The following CADM2 variants were observed in gnomAD, a reference collection of about 807,000 sequenced individuals.
CADM2 encodes the protein cell adhesion molecule 2.
In CADM2, 12 loss-of-function variants were observed where a neutral mutation model predicts 49.8. That is an observed-to-expected ratio of 0.24 (90% CI 0.15 to 0.39). The LOEUF (loss-of-function observed/expected upper bound fraction) is 0.39, where lower values mean the gene tolerates loss of function less well. Among genes scored for constraint, CADM2 ranks in the 10% least tolerant of loss-of-function variants. CADM2 has a pLI of 1.00. For synonymous variants in CADM2, 214 were observed against 175.4 expected, an observed-to-expected ratio of 1.22 and a Z score of -1.74; for missense variants, 378 against 492.3, an observed-to-expected ratio of 0.77 and a Z score of 2.20.
chr3:85,708,811 A>G (rs1490696354), intron 1 of CADM2, among the ~76,000 whole-genome samples: 4 of 152,142 alleles, frequency 2.6e-5, no homozygotes, highest in Non-Finnish European at 5.9e-5. Flanking sequence ...TTGTGGGGTA[A>G]GAGTGACCTG....
rs545328632 is a variant in CADM2, at chr3:85,715,235, A to G, written c.62-11287A>G. On this transcript the variant is annotated intron_variant, in intron 1 of 9. Transcript: ENST00000383699. ...ACCATCCCACTGTTAATTCTACATG[A>G]CAGTCATGACAATGAGACCTTTGTT... is the stretch of plus-strand genomic sequence containing the variant. 5.9e-5 allele frequency among the ~76,000 whole-genome samples: 9 copies of G among 152,300 alleles called. No individual in the cohort carries two copies. The East Asian group carries it at 1.5e-3, about 26-fold the overall frequency.
chr3:85,101,393 T>A (rs2038005686), intron 1 of CADM2, among the ~76,000 whole-genome samples: 1 of 152,226 alleles, frequency 6.6e-6, no homozygotes, highest in African/African-American at 2.4e-5. Flanking sequence ...ATTGCCTTGT[T>A]ACGATATATT....
chr3:85,420,503 A>G (rs1247042704), intron 1 of CADM2, among the ~76,000 whole-genome samples: 3 of 152,034 alleles, frequency 2.0e-5, no homozygotes, highest in East Asian at 1.9e-4. Flanking sequence ...CCCATGGGGG[A>G]AAAAAATTAT....
At chr3:85,290,730 G>A (rs1385139238) in intron 1 of CADM2, among the ~76,000 whole-genome samples, 1 of 152,190 alleles carries the variant, frequency 6.6e-6, no homozygotes. Context: ...TGAGGGTCCT[G>A]TCTGTTAGAA....
chr3:85,894,662 G>C (rs543849662), intron 5 of CADM2, among the ~76,000 whole-genome samples: 2 of 152,276 alleles, frequency 1.3e-5, no homozygotes, highest in African/African-American at 4.8e-5. Context: ...TCCTAGAAGG[G>C]AAATAGGGTT....
chr3:84,990,217 A>G (rs1180682124), intron 1 of CADM2, among the ~76,000 whole-genome samples: 1 of 151,590 alleles, frequency 6.6e-6, no homozygotes, highest in African/African-American at 2.4e-5. Flanking sequence ...TATTTACAAT[A>G]TATTATAGGT....
intron 1 of CADM2, among the ~76,000 whole-genome samples, chr3:85,356,498 A>C (rs2031870517): frequency 6.6e-6 from 1 of 152,048 alleles, no homozygotes; most frequent in South Asian, 2.1e-4. Flanking sequence ...TGGTATTTTG[A>C]CAAGTGGAAG....
chr3:85,073,192 C>A (rs564871245), intron 1 of CADM2, among the ~76,000 whole-genome samples: 1 of 152,026 alleles, frequency 6.6e-6, no homozygotes, highest in East Asian at 1.9e-4. Context: ...CCTGAAGGTG[C>A]GTTGAGTTTT....
At chr3:85,465,839 G>T (rs546419046) in intron 1 of CADM2, among the ~76,000 whole-genome samples, 1 of 152,260 alleles carries the variant, frequency 6.6e-6, no homozygotes, top group East Asian at 1.9e-4. Flanking sequence ...TATCTTTGTT[G>T]ACTAGTTGAT....
At chr3:85,401,102 T>C (rs1436553782) in intron 1 of CADM2, among the ~76,000 whole-genome samples, 2 of 152,186 alleles carry the variant, frequency 1.3e-5, no homozygotes, top group African/African-American at 4.8e-5. Context: ...AACAAACAAC[T>C]ATCCTTCTGA....
intron 5 of CADM2, among the ~76,000 whole-genome samples, chr3:85,889,319 C>G (rs1350334084): frequency 6.6e-6 from 1 of 152,076 alleles, no homozygotes; most frequent in Non-Finnish European, 1.5e-5. Context: ...GGTTATAGAA[C>G]AGTGGTTCTG....
In CADM2 at chr3:85,878,074, T is replaced by A. The variant is rs578154389; in HGVS notation, c.239-5217T>A. 5.3e-4 allele frequency among the ~76,000 whole-genome samples: 81 copies of A among 152,264 alleles called. 1 individual carries two copies. The highest frequency in any genetic ancestry group is 5.2e-3 in the South Asian group (25 of 4,830). ...GTGGATGTAGGATTTACTTAAAATATTCAGTTCATGGAAAATCTTGTTAGG... is the reference window on the plus strand; with the variant it reads ...GTGGATGTAGGATTTACTTAAAATAATCAGTTCATGGAAAATCTTGTTAGG... On this transcript the variant is annotated intron_variant, in intron 3 of 9. Coordinates refer to ENST00000383699, the MANE Select transcript of CADM2 (RefSeq NM_001167675.2).
chr3:85,750,949 CATATA>C (rs2068834121), intron 2 of CADM2, among the ~76,000 whole-genome samples: 1 of 151,816 alleles, frequency 6.6e-6, no homozygotes, highest in Admixed American at 6.6e-5. Flanking sequence ...TACAAAATTA[CATATA>C]ATATAGGCAT....
chr3:85,403,242 A>G (rs1178558050), intron 1 of CADM2, among the ~76,000 whole-genome samples: 1 of 152,124 alleles, frequency 6.6e-6, no homozygotes, highest in Non-Finnish European at 1.5e-5. Context: ...GGATGAAGCG[A>G]CATTGTATTC....
intron 8 of CADM2, chr3:85,992,153 C>A (rs1164706988): frequency 1.3e-5 from 2 of 151,810 alleles, no homozygotes; most frequent in Admixed American, 6.6e-5. Flanking sequence ...CCTTATCCTG[C>A]ATTATTGAAA....
At chr3:85,416,769 G>A (rs1006276483) in intron 1 of CADM2, among the ~76,000 whole-genome samples, 3 of 152,146 alleles carry the variant, frequency 2.0e-5, no homozygotes, top group African/African-American at 7.2e-5. Flanking sequence ...ATACACATAT[G>A]TATGAAATAT....
At chr3:85,055,733 T>C (rs1451961450) in intron 1 of CADM2, among the ~76,000 whole-genome samples, 2 of 152,038 alleles carry the variant, frequency 1.3e-5, no homozygotes, top group African/African-American at 4.8e-5. Context: ...TATTAGGGAA[T>C]AGACTGATAC....
At chr3:86,028,218 G>T (rs1397266457) in intron 8 of CADM2, among the ~76,000 whole-genome samples, 1 of 137,896 alleles carries the variant, frequency 7.3e-6, no homozygotes, top group Non-Finnish European at 1.6e-5. Context: ...ATAAAAAAAA[G>T]AAGTCAAAAA....
intron 1 of CADM2, among the ~76,000 whole-genome samples, chr3:85,309,890 C>T (rs868160414): frequency 1.3e-5 from 2 of 152,176 alleles, no homozygotes; most frequent in African/African-American, 4.8e-5. Flanking sequence ...TATCAAAGGT[C>T]AGTGCAAGAA....
Sources: allele counts gnomAD v4.1 joint callset (sites outside exome capture counted in the v4.1 genomes callset), GRCh38; gene constraint gnomAD v4.1.1; transcripts MANE v1.5; gene names NCBI Gene and HGNC (gene_info 2026-07-23, HGNC 2026-07-21).